Variants in DYM observed in about 807,000 individuals in gnomAD.
DYM encodes dyggve-Melchior-Clausen syndrome protein.
DYM carries 78 observed loss-of-function variants against 93.1 expected under a neutral mutation model. That is an observed-to-expected ratio of 0.84 (90% CI 0.70 to 1.01). The LOEUF is 1.01. DYM is among the 50% of genes least tolerant of loss of function. The pLI, the probability that DYM is intolerant of heterozygous loss-of-function variation, is 0.00. For synonymous variants in DYM, 321 were observed against 319.7 expected, an observed-to-expected ratio of 1.00 and a Z score of -0.04; for missense variants, 789 against 845.0, an observed-to-expected ratio of 0.93 and a Z score of 0.82.
At chr18:49,370,014 C>T (rs761740770) in intron 5 of DYM, among the ~76,000 whole-genome samples, 14 of 152,330 alleles carry the variant, frequency 9.2e-5, no homozygotes, top group East Asian at 1.9e-4. Context: ...CAGTGGCTCA[C>T]GCCTATAATC....
At chr18:49,198,439 C>G (rs2091686675) in intron 14 of DYM, among the ~76,000 whole-genome samples, 1 of 152,168 alleles carries the variant, frequency 6.6e-6, no homozygotes, top group Non-Finnish European at 1.5e-5. Flanking sequence ...TCAGAGTGAA[C>G]AGGCAACCTA....
At chr18:49,249,806 C>T (rs910382112) in intron 13 of DYM, among the ~76,000 whole-genome samples, 1 of 152,194 alleles carries the variant, frequency 6.6e-6, no homozygotes, top group South Asian at 2.1e-4. Flanking sequence ...TGTATATACT[C>T]ACTCCTGATG....
chr18:49,313,734 T>C (rs2061755055), intron 8 of DYM, among the ~76,000 whole-genome samples: 1 of 152,098 alleles, frequency 6.6e-6, no homozygotes, highest in South Asian at 2.1e-4. Flanking sequence ...TTCTTTCTTG[T>C]GCAAAATCCA....
rs2076383482 is a variant in DYM at position 49,066,327 on chromosome 18, C to T, written c.2026-22123G>A. Among the ~76,000 whole-genome samples the T allele has an allele frequency of 5.9e-5, 9 of 152,106 alleles. No individual in the cohort carries two copies. The South Asian group carries it at 1.7e-3, about 28-fold the overall frequency. On this transcript the variant is annotated intron_variant, in intron 17 of 17. Coordinates refer to ENST00000675505, the MANE Select transcript of DYM (RefSeq NM_001353214.3). Reference sequence around the variant, plus strand: ...CTATACCTGCATTCCATAGCCCTCTCGGCGAGTTCTATCTGTGAATTTTAT... The same window carrying T: ...CTATACCTGCATTCCATAGCCCTCTTGGCGAGTTCTATCTGTGAATTTTAT...
intron 15 of DYM, among the ~76,000 whole-genome samples, chr18:49,119,529 A>G (rs1022285514): frequency 2.0e-5 from 3 of 152,226 alleles, no homozygotes; most frequent in Non-Finnish European, 1.5e-5. Context: ...GCACATGGGT[A>G]TATACAACAG....
At chr18:49,075,014 T>C (rs563026156) in intron 17 of DYM, among the ~76,000 whole-genome samples, 3 of 152,150 alleles carry the variant, frequency 2.0e-5, no homozygotes, top group East Asian at 1.9e-4. Flanking sequence ...TGATAAGCAA[T>C]GGGGGAGACA....
At chr18:49,238,963 T>C (rs2093953042) in intron 13 of DYM, among the ~76,000 whole-genome samples, 1 of 152,176 alleles carries the variant, frequency 6.6e-6, no homozygotes, top group Non-Finnish European at 1.5e-5. Flanking sequence ...TGAGCTGTTA[T>C]TGTCAGAGTG....
At chr18:49,260,221 A>C (rs2094468162) in intron 11 of DYM, among the ~76,000 whole-genome samples, 1 of 152,182 alleles carries the variant, frequency 6.6e-6, no homozygotes. Context: ...CTCTCTAAGA[A>C]TACAAAAAAT....
intron 17 of DYM, among the ~76,000 whole-genome samples, chr18:49,053,450 A>G (rs2075202107): frequency 6.6e-6 from 1 of 152,202 alleles, no homozygotes; most frequent in Non-Finnish European, 1.5e-5. Flanking sequence ...AAAATCCAAT[A>G]GCTACATAGC....
chr18:49,400,846 G>A (rs970883472), intron 2 of DYM, among the ~76,000 whole-genome samples: 1 of 152,118 alleles, frequency 6.6e-6, no homozygotes, highest in African/African-American at 2.4e-5. Context: ...GGGGTGGTTG[G>A]TAACTGTTGC....
At chr18:49,440,929 T>A (rs1354074122) in intron 1 of DYM, among the ~76,000 whole-genome samples, 1 of 1,996 alleles carries the variant, frequency 5.0e-4, no homozygotes, top group African/African-American at 1.5e-3. Flanking sequence ...ATATAATATA[T>A]TATATAATAT....
At chr18:49,270,938 A>G (rs921516934) in intron 11 of DYM, among the ~76,000 whole-genome samples, 1 of 152,094 alleles carries the variant, frequency 6.6e-6, no homozygotes, top group Admixed American at 6.5e-5. Flanking sequence ...TAGCAAGGAG[A>G]CTGGAAGAAT....
At chr18:49,237,991 T>A (rs142986720) in intron 13 of DYM, among the ~76,000 whole-genome samples, 295 of 152,158 alleles carry the variant, frequency 1.9e-3, no homozygotes, top group African/African-American at 6.8e-3. Context: ...TTGTTCCTAA[T>A]CTTTTGCTAT....
intron 17 of DYM, among the ~76,000 whole-genome samples, chr18:49,057,326 C>T (rs568050447): frequency 2.9e-4 from 44 of 152,382 alleles, no homozygotes; most frequent in Admixed American, 1.1e-3. Flanking sequence ...AAGGACTTCA[C>T]CTCTGCAGAC....
intron 6 of DYM, among the ~76,000 whole-genome samples, chr18:49,355,799 T>C (rs181840134): frequency 6.6e-4 from 101 of 151,902 alleles, no homozygotes; most frequent in Non-Finnish European, 6.9e-4. Flanking sequence ...CAAAACTAAA[T>C]GTAAAAAAAT....
intron 15 of DYM, among the ~76,000 whole-genome samples, chr18:49,139,164 ATTTTAAT>A (rs1335389770): frequency 6.6e-6 from 1 of 152,024 alleles, no homozygotes. Context: ...TTTTGTTGTA[ATTTTAAT>A]TTTTATCAGA....
intron 2 of DYM, among the ~76,000 whole-genome samples, chr18:49,402,735 A>T (rs1362449135): frequency 6.6e-6 from 1 of 152,198 alleles, no homozygotes; most frequent in African/African-American, 2.4e-5. Flanking sequence ...AAACATATAC[A>T]CCAAGTGCAC....
At chr18:49,223,295 T>A (rs189367913) in intron 13 of DYM, among the ~76,000 whole-genome samples, 3 of 152,098 alleles carry the variant, frequency 2.0e-5, no homozygotes, top group Non-Finnish European at 2.9e-5. Flanking sequence ...TTAGGTCGGG[T>A]AGCAAATAGT....
At chr18:49,079,500 G>A (rs1389036682) in intron 17 of DYM, among the ~76,000 whole-genome samples, 1 of 152,144 alleles carries the variant, frequency 6.6e-6, no homozygotes. Context: ...AAGGTGGGCA[G>A]ATAAACAAGT....
Sources: allele counts gnomAD v4.1 joint callset (sites outside exome capture counted in the v4.1 genomes callset), GRCh38; gene constraint gnomAD v4.1.1; transcripts MANE v1.5; gene names NCBI Gene and HGNC (gene_info 2026-07-23, HGNC 2026-07-21).